Variants in OGDH observed in about 807,000 individuals in gnomAD.
OGDH encodes oxoglutarate dehydrogenase.
A neutral mutation model predicts 116.6 loss-of-function variants in OGDH; 38 were observed. The observed-to-expected ratio is 0.33, with a 90% CI of 0.25 to 0.43. The LOEUF (loss-of-function observed/expected upper bound fraction) is 0.43, where lower values mean the gene tolerates loss of function less well. OGDH is among the 20% of genes least tolerant of loss of function. The pLI is 1.00. For missense variants in OGDH, 825 were observed against 1,357.2 expected, an observed-to-expected ratio of 0.61 and a Z score of 6.16; for synonymous variants, 488 against 533.3, an observed-to-expected ratio of 0.92 and a Z score of 1.17.
At chr7:44,689,262 C>G (rs1788269072) in intron 10 of OGDH, among the ~76,000 whole-genome samples, 1 of 145,426 alleles carries the variant, frequency 6.9e-6, no homozygotes, top group African/African-American at 2.6e-5. Flanking sequence ...GTCACCCACG[C>G]TGGAGTGCAG....
In OGDH at chr7:44,697,208, A is replaced by G. The variant is rs761183113; in HGVS notation, c.2051+144A>G. 34 of 1,443,462 alleles carry G rather than the reference A, an allele frequency of 2.4e-5. No individual in the cohort carries two copies. The East Asian group carries it at 7.0e-4, about 30-fold the overall frequency. 89.4% of individuals were successfully genotyped at this position (1,443,462 alleles called of 1,614,324 possible). ...TGAAAACCTCTGTCCCTCATTTGCTATGGGTGCTTCTGTTAAGACCTGGGT... is the reference window on the plus strand; with the variant it reads ...TGAAAACCTCTGTCCCTCATTTGCTGTGGGTGCTTCTGTTAAGACCTGGGT... On this transcript the variant is annotated intron_variant, in intron 15 of 22. Coordinates refer to ENST00000222673, the MANE Select transcript of OGDH (RefSeq NM_002541.4). This position sits in a 1 kb window ranked among gnomAD's most constrained non-coding sequence, Gnocchi z 6.0.
chr7:44,687,677 C>G (rs923198887), intron 10 of OGDH, among the ~76,000 whole-genome samples: 2 of 152,144 alleles, frequency 1.3e-5, no homozygotes, highest in African/African-American at 4.8e-5. Flanking sequence ...CCCTCCTCAG[C>G]CTCCCAAAGT....
chr7:44,645,601 A>G (rs1786138382), intron 3 of OGDH, 83 bp downstream of exon 3: 2 of 1,321,778 alleles, frequency 1.5e-6, no homozygotes, highest in South Asian at 1.4e-5. Context: ...GGCCTTTCTG[A>G]GTGTATGTTG....
chr7:44,632,671 G>A (rs1266674647), intron 2 of OGDH, among the ~76,000 whole-genome samples: 1 of 151,900 alleles, frequency 6.6e-6, no homozygotes, highest in Admixed American at 6.6e-5. Context: ...AGGCTAGAGT[G>A]CAATGGCACG....
Position 44,697,686 on chromosome 7 carries a change from C to G in OGDH, c.2262C>G (p.Ala754=), listed in dbSNP as rs1788647735. The G allele has an allele frequency of 6.2e-7, 1 of 1,614,270 alleles. No homozygotes were observed. Among genetic ancestry groups the G allele is most frequent in the African/African-American group, 1.3e-5 (1 of 75,072 alleles). The part of the protein sequence containing the change: ...EAQFGDFHNT[A]QCIIDQFICP... ...AATTTGGTGACTTCCACAACACGGC[C>G]CAGTGTATCATCGACCAGTTCATCT... is the stretch of plus-strand genomic sequence containing the variant. The change falls in exon 17 of 23, where the codon GCC becomes GCG. Residue 754 remains alanine (A), a synonymous_variant. Transcript: ENST00000222673. This position sits in a 1 kb window ranked among gnomAD's most constrained non-coding sequence, Gnocchi z 6.0.
In OGDH at chr7:44,707,216, C is replaced by G; in HGVS notation, c.2633-9C>G. ...GAGAACCAGCCTAGCCATGGGAACT[C>G]TCTTGTAGGAACCCACTTCCAGCGG... On this transcript the variant is annotated splice_polypyrimidine_tract_variant and intron_variant, in intron 20 of 22. Coordinates refer to ENST00000222673, the MANE Select transcript of OGDH (RefSeq NM_002541.4). The surrounding 1 kb of genome is among the most constrained non-coding windows in gnomAD (Gnocchi z 5.2). The G allele has an allele frequency of 6.2e-7, 1 of 1,613,784 alleles. No individual in the cohort carries two copies. Among genetic ancestry groups the G allele is most frequent in the East Asian group, 2.2e-5 (1 of 44,882 alleles).
Position 44,693,984 on chromosome 7 carries a change from A to C in OGDH, c.1495A>C (p.Lys499Gln). 1 of 1,613,156 alleles carries C rather than the reference A, an allele frequency of 6.2e-7. No homozygotes were observed. The highest frequency in any genetic ancestry group is 8.5e-7 in the Non-Finnish European group (1 of 1,179,198). Reference protein sequence around the residue: ...VAAEWRSTFHKDVVVDLVCYR... With the variant: ...VAAEWRSTFHQDVVVDLVCYR... ...GGCCGAGTGGAGGAGCACCTTCCAC[A>C]AGGACGTGGTTGTCGATTTGGTGAG... The change falls in exon 11 of 23, where the codon AAG (lysine) becomes CAG (glutamine). Residue 499 changes from lysine to glutamine, a missense_variant. Around this residue, in one of 7 missense-constraint regions of OGDH, gnomAD observed 146 missense variants for 317.3 expected, o/e 0.46. Coordinates refer to ENST00000222673, the MANE Select transcript of OGDH (RefSeq NM_002541.4).
intron 2 of OGDH, among the ~76,000 whole-genome samples, chr7:44,643,652 G>A (rs1424099064): frequency 6.6e-6 from 1 of 152,118 alleles, no homozygotes; most frequent in African/African-American, 2.4e-5. Context: ...AGACCTTAAG[G>A]ACCAGCATAC....
intron 2 of OGDH, among the ~76,000 whole-genome samples, chr7:44,626,359 A>ACC (rs1461541761): frequency 7.3e-6 from 1 of 136,090 alleles, no homozygotes; most frequent in African/African-American, 2.7e-5. Flanking sequence ...ACACACACAC[A>ACC]CCCCTACACC....
chr7:44,691,531 C>CAA (rs56021103), intron 10 of OGDH, among the ~76,000 whole-genome samples: 54 of 77,738 alleles, frequency 6.9e-4, no homozygotes, highest in African/African-American at 2.0e-3. Context: ...GACCTTCTCT[C>CAA]AAAAAAAAAA....
intron 2 of OGDH, among the ~76,000 whole-genome samples, chr7:44,638,579 G>A (rs1018307258): frequency 3.9e-5 from 6 of 152,136 alleles, no homozygotes; most frequent in African/African-American, 4.8e-5. Context: ...CTGCAATTCC[G>A]GGACATCCAG....
At chr7:44,627,675 ATTTAT>A (rs1436835823) in intron 2 of OGDH, among the ~76,000 whole-genome samples, 2 of 151,674 alleles carry the variant, frequency 1.3e-5, no homozygotes, top group Non-Finnish European at 2.9e-5. Flanking sequence ...TTTTATTTTT[ATTTAT>A]TTTATTTATT....
intron 1 of OGDH, among the ~76,000 whole-genome samples, chr7:44,607,534 A>T (rs761315457): frequency 1.3e-5 from 2 of 152,146 alleles, no homozygotes; most frequent in Non-Finnish European, 2.9e-5. Flanking sequence ...TGGGTTTAGG[A>T]TGGGTGGCAT....
rs1011547298 is a variant in OGDH, at chr7:44,617,379, C to T, written c.-27-6938C>T. On this transcript the variant is annotated intron_variant, in intron 1 of 22. Transcript: ENST00000222673. ...AAGCTCACACAGTGACTTGGTGTCA[C>T]GTGGTCTCTGTTGGCCCAGGAAAGC... 4.6e-5 allele frequency among the ~76,000 whole-genome samples: 7 copies of T among 152,184 alleles called. No homozygotes were observed. The South Asian group carries it at 1.2e-3, about 27-fold the overall frequency.
intron 2 of OGDH, among the ~76,000 whole-genome samples, chr7:44,629,768 C>T (rs1319704685): frequency 2.0e-5 from 3 of 151,844 alleles, no homozygotes; most frequent in African/African-American, 4.8e-5. Context: ...TTAATAAAGA[C>T]GGGGTTTCAC....
At chr7:44,674,630 CA>C (rs539095115) in intron 7 of OGDH, 73 bp downstream of exon 7, 18,570 of 1,539,472 alleles carry the variant, frequency 0.012, 151 homozygotes, top group Non-Finnish European at 0.015. Flanking sequence ...CAGGTAAAGG[CA>C]CTGAGAGAGC....
chr7:44,616,804 T>C (rs1174849157), intron 1 of OGDH, among the ~76,000 whole-genome samples: 2 of 102,454 alleles, frequency 2.0e-5, no homozygotes, highest in African/African-American at 3.3e-5. Flanking sequence ...TGTGTATATA[T>C]ATGCATATAT....
rs377676904 is a variant in OGDH, at chr7:44,689,363, G to A, written c.1336-4462G>A. Among the ~76,000 whole-genome samples the A allele has an allele frequency of 4.7e-4, 66 of 140,032 alleles. No homozygotes were observed. The East Asian group carries it at 8.4e-3, about 18-fold the overall frequency. The allele number at this position is 140,032 out of a possible 152,430, so 91.9% of individuals were successfully genotyped here. On this transcript the variant is annotated intron_variant, in intron 10 of 22. Transcript: ENST00000222673. ...CCCAAGTAGCTGGGATTACAGGCAC[G>A]CACCACCACTCCCAGCTAATTTTTT...
rs141084441 is a variant in OGDH, at chr7:44,612,558, T to A, written c.-28+5905T>A. Among the ~76,000 whole-genome samples the A allele has an allele frequency of 8.9e-3, 1,352 of 152,024 alleles. 21 individuals are homozygous for A. The highest frequency in any genetic ancestry group is 0.03 in the African/African-American group (1,225 of 41,478). ...ACCACCACACCCTGCTAATTTTTTT[T>A]ATTTTTAGTAGAGATGGGGTTTCAC... is the stretch of plus-strand genomic sequence containing the variant. On this transcript the variant is annotated intron_variant, in intron 1 of 22. Coordinates refer to ENST00000222673, the MANE Select transcript of OGDH (RefSeq NM_002541.4).
Sources: allele counts gnomAD v4.1 joint callset (sites outside exome capture counted in the v4.1 genomes callset), GRCh38; gene constraint gnomAD v4.1.1; regional missense constraint gnomAD v4.1.1; non-coding constraint Gnocchi (gnomAD v3.1); transcripts MANE v1.5; gene names NCBI Gene and HGNC (gene_info 2026-07-23, HGNC 2026-07-21).